Variants in TMCC1 observed in about 807,000 individuals in gnomAD.
The protein encoded by TMCC1 is transmembrane and coiled-coil domain family 1.
Under a neutral mutation model 52.4 loss-of-function variants are expected in TMCC1, and 15 were observed. The ratio of observed to expected loss-of-function variants is 0.29; its 90% CI spans 0.19 to 0.44. The LOEUF is 0.44. Ranked by LOEUF, TMCC1 falls within the 20% of genes least tolerant of loss-of-function variation. The probability of loss-of-function intolerance (pLI) is 1.00; values close to 1 mark genes in which losing one functional copy is unlikely to be tolerated. For synonymous variants in TMCC1, 279 were observed against 301.9 expected (o/e 0.92, Z 0.79); for missense variants, 503 against 806.0 (o/e 0.62, Z 4.55).
intron 4 of TMCC1, among the ~76,000 whole-genome samples, chr3:129,727,642 A>G (rs1017424691): frequency 6.6e-6 from 1 of 152,206 alleles, no homozygotes; most frequent in Non-Finnish European, 1.5e-5. Context: ...TAATATAGGT[A>G]GTCCTGAAGG....
chr3:129,665,105 C>T (rs1470595174), intron 5 of TMCC1, among the ~76,000 whole-genome samples: 1 of 152,180 alleles, frequency 6.6e-6, no homozygotes, highest in Non-Finnish European at 1.5e-5. Context: ...CCTGCCTTCC[C>T]CAAATACATG....
At chr3:129,838,073 C>T (rs766442295) in intron 2 of TMCC1, among the ~76,000 whole-genome samples, 6 of 152,098 alleles carry the variant, frequency 3.9e-5, no homozygotes, top group Admixed American at 6.5e-5. Flanking sequence ...AAGAACTTAC[C>T]GAAATTAGTG....
intron 4 of TMCC1, among the ~76,000 whole-genome samples, chr3:129,753,379 G>A (rs1359896611): frequency 2.6e-5 from 4 of 152,088 alleles, no homozygotes; most frequent in South Asian, 2.1e-4. Flanking sequence ...TTTCACACTC[G>A]ACATCGTAAT....
intron 2 of TMCC1, among the ~76,000 whole-genome samples, chr3:129,850,119 C>G (rs560583827): frequency 8.5e-5 from 13 of 152,238 alleles, no homozygotes; most frequent in African/African-American, 3.1e-4. Flanking sequence ...AAGGATACTA[C>G]CACCTCCATC....
intron 4 of TMCC1, among the ~76,000 whole-genome samples, chr3:129,760,851 G>GT (rs2053514296): frequency 6.6e-6 from 1 of 151,552 alleles, no homozygotes; most frequent in African/African-American, 2.4e-5. Context: ...GGCTCAAGCA[G>GT]TCTACCCACC....
intron 4 of TMCC1, among the ~76,000 whole-genome samples, chr3:129,756,054 T>C (rs1308987166): frequency 1.4e-5 from 2 of 144,698 alleles, no homozygotes; most frequent in African/African-American, 2.6e-5. Flanking sequence ...GCCCAGATCA[T>C]GCCACTGCAC....
chr3:129,865,250 C>T (rs1264721317), intron 2 of TMCC1, among the ~76,000 whole-genome samples: 1 of 152,126 alleles, frequency 6.6e-6, no homozygotes, highest in Non-Finnish European at 1.5e-5. Flanking sequence ...CAACCTCCAC[C>T]TCCCAGGCTC....
chr3:129,773,724 C>T (rs1313647290), intron 4 of TMCC1, among the ~76,000 whole-genome samples: 2 of 152,250 alleles, frequency 1.3e-5, no homozygotes, highest in East Asian at 3.9e-4. Context: ...ATGGGAGAAT[C>T]ACTTCAGCCC....
At chr3:129,872,940 C>T (rs1404915255) in intron 2 of TMCC1, among the ~76,000 whole-genome samples, 1 of 148,082 alleles carries the variant, frequency 6.8e-6, no homozygotes, top group Non-Finnish European at 1.5e-5. Flanking sequence ...TTTTGAGATC[C>T]GGAGTCTTGC....
intron 4 of TMCC1, among the ~76,000 whole-genome samples, chr3:129,715,097 C>T (rs1319057098): frequency 6.6e-6 from 1 of 152,206 alleles, no homozygotes; most frequent in Non-Finnish European, 1.5e-5. Flanking sequence ...CACATACACA[C>T]CCACCCTCCC....
chr3:129,849,832 A>G (rs1444087225), intron 2 of TMCC1, among the ~76,000 whole-genome samples: 5 of 152,056 alleles, frequency 3.3e-5, no homozygotes, highest in Admixed American at 3.3e-4. Context: ...ACACCCATGT[A>G]TATATATGTA....
In TMCC1 at chr3:129,725,797, C is replaced by T. The variant is rs551645245; in HGVS notation, c.577-54533G>A. 3.3e-5 allele frequency among the ~76,000 whole-genome samples: 5 copies of T among 152,166 alleles called. No homozygotes were observed. In the South Asian group the frequency reaches 6.2e-4, roughly 19 times the overall value. ...TTATTACCAATTGAAAAGAAACAAC[C>T]GTACTAAATTTTTTAGTTCTGAGCT... On this transcript the variant is annotated intron_variant, in intron 4 of 6. Coordinates refer to ENST00000393238, the MANE Select transcript of TMCC1 (RefSeq NM_001017395.5).
chr3:129,881,916 C>T (rs535927661), intron 1 of TMCC1, among the ~76,000 whole-genome samples: 3 of 152,052 alleles, frequency 2.0e-5, no homozygotes, highest in Non-Finnish European at 2.9e-5. Flanking sequence ...ATCCGAGGAG[C>T]GATGTGTGAC....
In TMCC1 at chr3:129,818,500, TAA is replaced by T. The variant is rs2058234161; in HGVS notation, c.576+9301_576+9302del. Among the ~76,000 whole-genome samples, 3 of 33,056 alleles carry T rather than the reference TAA, an allele frequency of 9.1e-5. 1 individual carries two copies. The highest frequency in any genetic ancestry group is 1.6e-4 in the Non-Finnish European group (3 of 18,498). 21.7% of individuals were successfully genotyped at this position (33,056 alleles called of 152,430 possible). On this transcript the variant is annotated intron_variant, in intron 4 of 6. Transcript: ENST00000393238. ...TAAAGAAACTTTTAAAGAAAAGTTT[TAA>T]AGAAACTTTTAAAGAAAAGTTTTAA... is the stretch of plus-strand genomic sequence containing the variant.
chr3:129,650,281 A>C lies in TMCC1; in HGVS notation c.*1200T>G, dbSNP rs2108833926. The C allele has an allele frequency of 6.9e-6, 1 of 145,406 alleles. No homozygotes were observed. The highest frequency in any genetic ancestry group is 2.0e-4 in the East Asian group (1 of 5,036). 9.0% of individuals were successfully genotyped at this position (145,406 alleles called of 1,614,324 possible). A position where few individuals can be genotyped will look rare whatever the true frequency, so the allele number is the denominator to read the frequency against. The stretch of plus-strand genomic sequence containing the variant: ...CTGGGTGAACGTTTTCTTGGGGCAA[A>C]AAAAAAAAAAAAAAATCCCTATCCT... On this transcript the variant is annotated 3_prime_UTR_variant, in exon 7 of 7. Coordinates refer to ENST00000393238, the MANE Select transcript of TMCC1 (RefSeq NM_001017395.5).
At chr3:129,709,920 C>T (rs958774101) in intron 4 of TMCC1, among the ~76,000 whole-genome samples, 5 of 152,114 alleles carry the variant, frequency 3.3e-5, no homozygotes, top group Admixed American at 2.6e-4. Flanking sequence ...GGCGCGGTGG[C>T]TCACACCTGT....
chr3:129,789,466 T>A (rs948913115), intron 4 of TMCC1, among the ~76,000 whole-genome samples: 5 of 152,226 alleles, frequency 3.3e-5, no homozygotes, highest in African/African-American at 4.8e-5. Flanking sequence ...AAAATTCAAA[T>A]TCTGACCAAC....
chr3:129,739,932 T>C (rs1020242255), intron 4 of TMCC1, among the ~76,000 whole-genome samples: 1 of 152,232 alleles, frequency 6.6e-6, no homozygotes, highest in Admixed American at 6.5e-5. Context: ...TTACTTTTGG[T>C]TCCCTCTTTT....
chr3:129,687,155 A>G (rs2089466682), intron 4 of TMCC1, among the ~76,000 whole-genome samples: 1 of 152,214 alleles, frequency 6.6e-6, no homozygotes, highest in Non-Finnish European at 1.5e-5. Context: ...TACATAACCA[A>G]TGAGTCAGCA....
Sources: gnomAD v4.1 joint callset for allele counts (sites outside exome capture counted in the v4.1 genomes callset) on GRCh38, gnomAD v4.1.1 for gene constraint, MANE v1.5 for transcripts, NCBI Gene and HGNC (gene_info 2026-07-23, HGNC 2026-07-21) for gene names.